Variants in PACS1 observed in about 807,000 individuals in gnomAD.
The protein encoded by PACS1 is phosphofurin acidic cluster sorting protein 1.
PACS1 carries 24 observed loss-of-function variants against 115.0 expected under a neutral mutation model. The ratio of observed to expected loss-of-function variants is 0.21; its 90% CI spans 0.15 to 0.29. The LOEUF is 0.29. Ranked by LOEUF, PACS1 falls within the 10% of genes least tolerant of loss-of-function variation. The probability of loss-of-function intolerance (pLI) is 1.00; values close to 1 mark genes in which losing one functional copy is unlikely to be tolerated. For synonymous variants in PACS1, 453 were observed against 504.5 expected (o/e 0.90, Z 1.37); for missense variants, 838 against 1,251.2 (o/e 0.67, Z 4.98).
intron 1 of PACS1, among the ~76,000 whole-genome samples, chr11:66,174,905 C>G (rs1859818450): frequency 6.6e-6 from 1 of 152,152 alleles, no homozygotes; most frequent in Admixed American, 6.5e-5. Context: ...AATCCCATCA[C>G]TTTGGGAGGC....
chr11:66,092,123 T>A (rs940920891), intron 1 of PACS1, among the ~76,000 whole-genome samples: 7 of 152,128 alleles, frequency 4.6e-5, no homozygotes, highest in African/African-American at 1.7e-4. Context: ...GTTGAACTAG[T>A]TTACAGTCCC....
intron 1 of PACS1, among the ~76,000 whole-genome samples, chr11:66,078,850 A>G (rs147675428): frequency 1.3e-5 from 2 of 152,364 alleles, no homozygotes; most frequent in African/African-American, 4.8e-5. Context: ...CACCGCACCC[A>G]GGCTAGGCTG....
At chr11:66,215,541 A>G (rs1855180930) in intron 4 of PACS1, among the ~76,000 whole-genome samples, 2 of 151,914 alleles carry the variant, frequency 1.3e-5, no homozygotes, top group African/African-American at 4.8e-5. Context: ...TCGAGACTGT[A>G]GTGAGCTGTG....
chr11:66,176,479 T>G (rs1420736815), intron 1 of PACS1, among the ~76,000 whole-genome samples: 2 of 151,366 alleles, frequency 1.3e-5, no homozygotes, highest in East Asian at 3.9e-4. Context: ...AGTGGCGTGA[T>G]CTCGGCTCAC....
chr11:66,074,904 C>A (rs1344527210), intron 1 of PACS1, among the ~76,000 whole-genome samples: 1 of 151,686 alleles, frequency 6.6e-6, no homozygotes, highest in Non-Finnish European at 1.5e-5. Context: ...ACAAACTCTT[C>A]CATGCATTAG....
At chr11:66,110,462 C>T (rs183186764) in intron 1 of PACS1, among the ~76,000 whole-genome samples, 21 of 152,050 alleles carry the variant, frequency 1.4e-4, no homozygotes, top group African/African-American at 4.6e-4. Flanking sequence ...CAGGCACCTG[C>T]GTCTAGCTAA....
At chr11:66,132,711 C>T (rs1056927242) in intron 1 of PACS1, among the ~76,000 whole-genome samples, 1 of 152,122 alleles carries the variant, frequency 6.6e-6, no homozygotes, top group Non-Finnish European at 1.5e-5. Context: ...CTCTCTTGCC[C>T]AGGCTAGAGT....
chr11:66,175,750 T>G (rs1478209438), intron 1 of PACS1, among the ~76,000 whole-genome samples: 2 of 152,156 alleles, frequency 1.3e-5, no homozygotes, highest in Admixed American at 1.3e-4. Context: ...CAAACCATGT[T>G]GGGGAGGGGT....
intron 1 of PACS1, among the ~76,000 whole-genome samples, chr11:66,103,811 G>C (rs977607694): frequency 6.6e-6 from 1 of 152,094 alleles, no homozygotes; most frequent in Non-Finnish European, 1.5e-5. Flanking sequence ...AGTGTGCCCA[G>C]CTGGAAAATT....
chr11:66,075,289 G>C (rs999641052), intron 1 of PACS1, among the ~76,000 whole-genome samples: 4 of 152,074 alleles, frequency 2.6e-5, no homozygotes, highest in African/African-American at 9.7e-5. Flanking sequence ...TACTCAGGTT[G>C]GAGTGCAGTG....
chr11:66,241,265 T>C (rs992602672), intron 21 of PACS1, 162 bp from the exon 22 acceptor site: 1 of 566,620 alleles, frequency 1.8e-6, no homozygotes, highest in African/African-American at 1.9e-5. Context: ...TCAGCCTGAT[T>C]CTCCTCTCCT....
At chr11:66,104,565 C>G (rs1441170953) in intron 1 of PACS1, among the ~76,000 whole-genome samples, 5 of 152,126 alleles carry the variant, frequency 3.3e-5, no homozygotes, top group Non-Finnish European at 2.9e-5. Flanking sequence ...TGTAAAACCC[C>G]AAATACTTAC....
chr11:66,197,726 A>G (rs1281737620), intron 2 of PACS1, among the ~76,000 whole-genome samples: 2 of 152,314 alleles, frequency 1.3e-5, no homozygotes, highest in East Asian at 3.9e-4. Context: ...CAGGAGTTCA[A>G]GTTTACAATG....
chr11:66,208,341 G>T (rs2134695763), intron 2 of PACS1, among the ~76,000 whole-genome samples: 1 of 152,336 alleles, frequency 6.6e-6, no homozygotes, highest in East Asian at 1.9e-4. Context: ...AAACAGGGAT[G>T]AGTGTGGGGC....
chr11:66,120,479 T>C (rs1032647310), intron 1 of PACS1, among the ~76,000 whole-genome samples: 3 of 152,226 alleles, frequency 2.0e-5, no homozygotes, highest in East Asian at 3.8e-4. Flanking sequence ...GAAAGAGATA[T>C]GACGTTCCTT....
chr11:66,193,693 G>T, intron 2 of PACS1, 120 bp downstream of exon 2: 1 of 632,550 alleles, frequency 1.6e-6, no homozygotes, highest in Non-Finnish European at 2.8e-6. Context: ...AGCACAGCAA[G>T]GTGCACAGTG....
At chr11:66,132,893 C>T (rs945990246) in intron 1 of PACS1, among the ~76,000 whole-genome samples, 1 of 152,200 alleles carries the variant, frequency 6.6e-6, no homozygotes, top group Non-Finnish European at 1.5e-5. Context: ...GTCTCGAACT[C>T]GTGACCTCAA....
In PACS1 at chr11:66,080,801, C is replaced by G. The variant is rs550968517; in HGVS notation, c.356+9959C>G. On this transcript the variant is annotated intron_variant, in intron 1 of 23. Coordinates refer to ENST00000320580, the MANE Select transcript of PACS1 (RefSeq NM_018026.4). ...ACTGCTCAATTTCCATCATAGACAG[C>G]GAGAGGCTGTGTGGTATAGTGGCTG... is the stretch of plus-strand genomic sequence containing the variant. 6.6e-5 allele frequency among the ~76,000 whole-genome samples: 10 copies of G among 152,256 alleles called. No individual in the cohort carries two copies. In the South Asian group the frequency reaches 8.3e-4, roughly 13 times the overall value.
At chr11:66,176,539 G>C (rs1453051039) in intron 1 of PACS1, among the ~76,000 whole-genome samples, 1 of 151,224 alleles carries the variant, frequency 6.6e-6, no homozygotes, top group Non-Finnish European at 1.5e-5. Context: ...TCAGCCTCCC[G>C]AATAGCTGGG....
Sources: allele counts gnomAD v4.1 joint callset (sites outside exome capture counted in the v4.1 genomes callset), GRCh38; gene constraint gnomAD v4.1.1; transcripts MANE v1.5; gene names NCBI Gene and HGNC (gene_info 2026-07-23, HGNC 2026-07-21).